The following FNBP1 variants were observed in gnomAD, a reference collection of about 807,000 sequenced individuals.
FNBP1 encodes formin binding protein 1, also known as formin-binding protein 1.
FNBP1 carries 26 observed loss-of-function variants against 90.6 expected under a neutral mutation model. The ratio of observed to expected loss-of-function variants is 0.29; its 90% CI spans 0.21 to 0.40. FNBP1 has a LOEUF of 0.40. Among genes scored for constraint, FNBP1 ranks in the 10% least tolerant of loss-of-function variants. The pLI is 1.00. For synonymous variants in FNBP1, 260 were observed against 265.2 expected (o/e 0.98, Z 0.19); for missense variants, 635 against 768.0 (o/e 0.83, Z 2.05).
chr9:129,990,822 T>A (rs2053016239), intron 2 of FNBP1, among the ~76,000 whole-genome samples: 1 of 151,982 alleles, frequency 6.6e-6, no homozygotes, highest in South Asian at 2.1e-4. Flanking sequence ...TGATAACAAG[T>A]GTCAGATCCT....
At chr9:129,958,985 CAAA>C (rs60640596) in intron 4 of FNBP1, among the ~76,000 whole-genome samples, 1,191 of 9,164 alleles carry the variant, frequency 0.13, 52 homozygotes, top group Middle Eastern at 0.25. Context: ...AACTCTGCCT[CAAA>C]AAAAAAAAAA....
At chr9:129,924,134 A>G in intron 9 of FNBP1, 108 bp from the exon 10 acceptor site, 1 of 1,154,956 alleles carries the variant, frequency 8.7e-7, no homozygotes, top group Non-Finnish European at 1.2e-6. Flanking sequence ...GTAAAACACA[A>G]ACAATTAAAT....
Position 129,902,879 on chromosome 9 carries a change from T to C in FNBP1, c.1418A>G (p.Gln473Arg). 1 of 1,613,582 alleles carries C rather than the reference T, an allele frequency of 6.2e-7. No individual in the cohort carries two copies. Residue 473 changes from glutamine (Q) to arginine (R), a missense_variant, in exon 13 of 17, where the codon CAG (glutamine) becomes CGG (arginine). Coordinates refer to ENST00000446176, the MANE Select transcript of FNBP1 (RefSeq NM_015033.3). ...QNIEKLRVET[Q>R]KFEAWLAEVE... ...ACAGAAGTTTCATACCTCAAATTTC[T>C]GGGTCTCTACTCGCAGTTTCTCTAT... is the stretch of plus-strand genomic sequence containing the variant.
intron 6 of FNBP1, among the ~76,000 whole-genome samples, chr9:129,932,851 AATAAT>A (rs2042961464): frequency 6.6e-6 from 1 of 152,120 alleles, no homozygotes; most frequent in African/African-American, 2.4e-5. Context: ...CCTCTGTTTA[AATAAT>A]AGCTTTCCCA....
chr9:129,968,395 CAAAAAA>C (rs775896038), intron 4 of FNBP1, among the ~76,000 whole-genome samples: 1 of 69,130 alleles, frequency 1.4e-5, no homozygotes, highest in African/African-American at 5.1e-5. Context: ...AACTCCGTCT[CAAAAAA>C]AAAAAAAAAA....
chr9:129,943,303 T>C (rs549274316), intron 6 of FNBP1, among the ~76,000 whole-genome samples: 19 of 152,100 alleles, frequency 1.2e-4, no homozygotes, highest in Admixed American at 1.2e-3. Flanking sequence ...GGTGATTTCA[T>C]ATATGATGGA....
chr9:129,930,673 T>C (rs547702995), intron 6 of FNBP1, among the ~76,000 whole-genome samples: 1 of 152,332 alleles, frequency 6.6e-6, no homozygotes, highest in Non-Finnish European at 1.5e-5. Context: ...AGTTGCAGAA[T>C]GGATTTTAAA....
At chr9:129,933,242 C>A (rs558961068) in intron 6 of FNBP1, among the ~76,000 whole-genome samples, 2 of 152,266 alleles carry the variant, frequency 1.3e-5, no homozygotes, top group East Asian at 3.9e-4. Flanking sequence ...CACATACACA[C>A]ACACACAACC....
intron 7 of FNBP1, among the ~76,000 whole-genome samples, chr9:129,928,827 A>C (rs1389527733): frequency 6.6e-6 from 1 of 152,176 alleles, no homozygotes; most frequent in Admixed American, 6.5e-5. Context: ...ATGATTTATC[A>C]TGCCTATAAT....
chr9:129,978,378 T>G, intron 4 of FNBP1, 87 bp downstream of exon 4: 1 of 1,142,764 alleles, frequency 8.8e-7, no homozygotes, highest in Non-Finnish European at 1.3e-6. Context: ...TAGTCTTATA[T>G]GGTTTTATTT....
chr9:129,912,933 A>T (rs1006533647), intron 11 of FNBP1, among the ~76,000 whole-genome samples: 5 of 152,084 alleles, frequency 3.3e-5, no homozygotes, highest in Non-Finnish European at 7.4e-5. Flanking sequence ...TTAAAACTCA[A>T]CAGCGGTTGG....
In FNBP1 at chr9:129,887,593, G is replaced by A; in HGVS notation, c.*2946C>T. On this transcript the variant is annotated 3_prime_UTR_variant, in exon 17 of 17. Transcript: ENST00000446176. ...CAAAAGGCATCGAGACCTTTGCGCT[G>A]CGCTGGTTAGACAAGCCGCAGGCTT... The A allele has an allele frequency of 4.6e-6, 1 of 215,146 alleles. No individual in the cohort carries two copies. Among genetic ancestry groups the A allele is most frequent in the East Asian group, 6.9e-5 (1 of 14,506 alleles). 13.3% of individuals were successfully genotyped at this position (215,146 alleles called of 1,614,324 possible).
intron 10 of FNBP1, among the ~76,000 whole-genome samples, chr9:129,918,545 C>T (rs1022296962): frequency 1.3e-5 from 2 of 152,148 alleles, no homozygotes; most frequent in Non-Finnish European, 2.9e-5. Flanking sequence ...GTACTAACCT[C>T]AAGTACAAAG....
chr9:130,053,412 G>C, the FNBP1 span: 1 of 157,388 alleles, frequency 6.4e-6, no homozygotes, highest in Admixed American at 6.3e-5. Flanking sequence ...CCTCATAAGG[G>C]CTCAATCAAT....
intron 2 of FNBP1, among the ~76,000 whole-genome samples, chr9:129,983,318 T>C (rs887010653): frequency 1.3e-5 from 2 of 152,192 alleles, no homozygotes; most frequent in East Asian, 1.9e-4. Flanking sequence ...TACTGGCATA[T>C]ATAGCATTCA....
chr9:129,907,918 AG>A (rs1252818996), intron 12 of FNBP1, among the ~76,000 whole-genome samples: 1 of 151,850 alleles, frequency 6.6e-6, no homozygotes, highest in Non-Finnish European at 1.5e-5. Context: ...TAGTAGAGAC[AG>A]GGTTTCACCG....
At position 129,925,072 on chromosome 9, in the gene FNBP1, T is replaced by C; in HGVS notation, c.875A>G (p.Lys292Arg). ...IEFEDYTQPM[K>R]RTVSDNSLSN... ...AAGGCTGTTATCTGACACAGTGCGC[T>C]TCATTGGCTGAGTGTAATCCTCAAA... The change falls in exon 9 of 17, where the codon AAG becomes AGG. Residue 292 changes from lysine (K) to arginine (R), a missense_variant. Lys to Arg is a conservative substitution (Grantham distance 26). Transcript: ENST00000446176. 6.2e-7 allele frequency: 1 copy of C among 1,613,932 alleles called. No homozygotes were observed. Among genetic ancestry groups the C allele is most frequent in the Non-Finnish European group, 8.5e-7 (1 of 1,179,800 alleles).
chr9:130,019,281 C>G (rs532763910), intron 1 of FNBP1, among the ~76,000 whole-genome samples: 1 of 143,224 alleles, frequency 7.0e-6, no homozygotes, highest in East Asian at 2.0e-4. Flanking sequence ...AGCCTAGCGA[C>G]ACAGCAAGAC....
chr9:129,957,564 T>C lies in FNBP1; in HGVS notation c.409-100A>G. ...AGAGCATTGTTCTTTTTCTTTTTTT[T>C]TTCTTCAGTCAGGGTCTCACTTTGT... On this transcript the variant is annotated intron_variant, in intron 5 of 16. Transcript: ENST00000446176. The surrounding 1 kb of genome is among the most constrained non-coding windows in gnomAD (Gnocchi z 4.3). The C allele has an allele frequency of 1.0e-6, 1 of 985,076 alleles. No individual in the cohort carries two copies. The highest frequency in any genetic ancestry group is 2.5e-5 in the Admixed American group (1 of 39,244). 61.0% of individuals were successfully genotyped at this position (985,076 alleles called of 1,614,324 possible).
Sources: allele counts gnomAD v4.1 joint callset (sites outside exome capture counted in the v4.1 genomes callset), GRCh38; gene constraint gnomAD v4.1.1; non-coding constraint Gnocchi (gnomAD v3.1); transcripts MANE v1.5; gene names NCBI Gene and HGNC (gene_info 2026-07-23, HGNC 2026-07-21).